RPS6KA2: variants seen among roughly 807,000 people sequenced by gnomAD.
RPS6KA2 encodes the protein ribosomal protein S6 kinase alpha-2.
In RPS6KA2, 42 loss-of-function variants were observed where a neutral mutation model predicts 91.8. The observed-to-expected ratio is 0.46, with a 90% CI of 0.36 to 0.59. RPS6KA2 has a LOEUF of 0.59. Ranked by LOEUF, RPS6KA2 falls within the 20% of genes least tolerant of loss-of-function variation. RPS6KA2 has a pLI of 0.00. For synonymous variants in RPS6KA2, 414 were observed against 393.6 expected, an observed-to-expected ratio of 1.05 and a Z score of -0.61; for missense variants, 798 against 978.5, an observed-to-expected ratio of 0.82 and a Z score of 2.46.
intron 2 of RPS6KA2, among the ~76,000 whole-genome samples, chr6:166,700,938 G>A (rs1305384974): frequency 6.6e-6 from 1 of 152,146 alleles, no homozygotes; most frequent in African/African-American, 2.4e-5. Flanking sequence ...CATTCTCACA[G>A]AGACAGGAGT....
At chr6:166,501,624 A>G (rs926739238) in intron 6 of RPS6KA2, among the ~76,000 whole-genome samples, 1 of 152,190 alleles carries the variant, frequency 6.6e-6, no homozygotes, top group African/African-American at 2.4e-5. Context: ...CCCTGCATAG[A>G]GAATGGAGGC....
At chr6:166,793,930 G>A (rs2128615204) in intron 2 of RPS6KA2, among the ~76,000 whole-genome samples, 1 of 147,898 alleles carries the variant, frequency 6.8e-6, no homozygotes, top group Non-Finnish European at 1.5e-5. Context: ...ATACCATTCA[G>A]GACATAGGCA....
At chr6:166,430,425 C>G (rs201451626) in intron 16 of RPS6KA2, 28 bp downstream of exon 16, 8 of 1,591,952 alleles carry the variant, frequency 5.0e-6, no homozygotes, top group Non-Finnish European at 1.7e-6. Flanking sequence ...CCCTCCTCCC[C>G]GAAGGCTGCC....
intron 2 of RPS6KA2, among the ~76,000 whole-genome samples, chr6:166,690,463 C>T (rs559082371): frequency 7.9e-4 from 120 of 152,332 alleles, no homozygotes; most frequent in Non-Finnish European, 2.4e-4. Context: ...GAGCCACCTG[C>T]GTGGCTAGAA....
At chr6:166,862,328 C>A in exon 1 of RPS6KA2, 1 of 1,488,962 alleles carries the variant, frequency 6.7e-7, no homozygotes, top group East Asian at 2.4e-5. Context: ...ATCCGGCTCC[C>A]AGAGGAGGTC....
At chr6:166,443,713 C>T (rs1218139258) in intron 14 of RPS6KA2, among the ~76,000 whole-genome samples, 1 of 152,244 alleles carries the variant, frequency 6.6e-6, no homozygotes, top group East Asian at 1.9e-4. Flanking sequence ...GCAAATGGCG[C>T]CACGTATGGT....
intron 1 of RPS6KA2, among the ~76,000 whole-genome samples, chr6:166,588,405 C>T (rs544021483): frequency 1.3e-5 from 2 of 152,228 alleles, no homozygotes; most frequent in African/African-American, 4.8e-5. Flanking sequence ...CTGGATTCCA[C>T]AGGCCCTAGC....
At chr6:166,752,634 C>T (rs964681117) in intron 2 of RPS6KA2, among the ~76,000 whole-genome samples, 4 of 152,148 alleles carry the variant, frequency 2.6e-5, no homozygotes, top group African/African-American at 4.8e-5. Flanking sequence ...ATCATTTACT[C>T]AAACCCTTGT....
chr6:166,752,276 T>C (rs1791310367), intron 2 of RPS6KA2, among the ~76,000 whole-genome samples: 1 of 152,206 alleles, frequency 6.6e-6, no homozygotes, highest in African/African-American at 2.4e-5. Flanking sequence ...GTGAACAGCC[T>C]CTGAAACGTA....
At chr6:166,510,946 T>C (rs1423763288) in intron 3 of RPS6KA2, among the ~76,000 whole-genome samples, 1 of 152,176 alleles carries the variant, frequency 6.6e-6, no homozygotes, top group Non-Finnish European at 1.5e-5. Flanking sequence ...TTTTCGTCTG[T>C]AGAATGTTCC....
At chr6:166,713,575 G>T (rs988592789) in intron 2 of RPS6KA2, among the ~76,000 whole-genome samples, 9 of 152,244 alleles carry the variant, frequency 5.9e-5, no homozygotes, top group Middle Eastern at 3.4e-3. Context: ...CGCATGATAT[G>T]GAGAGAAAAT....
At position 166,482,966 on chromosome 6, in the gene RPS6KA2, G is replaced by T. The variant is rs576587282; in HGVS notation, c.907+5867C>A. ...AAAAGGGACTGTTCTAAACAAAGGT[G>T]GCCGTGCAGCCTTGACCTTCAACAG... On this transcript the variant is annotated intron_variant, in intron 10 of 20. Transcript: ENST00000265678. Among the ~76,000 whole-genome samples the T allele has an allele frequency of 1.9e-3, 289 of 152,332 alleles. 1 individual carries two copies. The highest frequency in any genetic ancestry group is 6.9e-3 in the African/African-American group (285 of 41,570).
chr6:166,475,721 CTT>C, intron 10 of RPS6KA2: 1 of 522,298 alleles, frequency 1.9e-6, no homozygotes, highest in South Asian at 1.4e-5. Context: ...GTCTAGAACT[CTT>C]TTGAACGAAG....
chr6:166,571,979 T>C (rs1467868809), intron 1 of RPS6KA2, among the ~76,000 whole-genome samples: 2 of 152,224 alleles, frequency 1.3e-5, no homozygotes, highest in Non-Finnish European at 2.9e-5. Context: ...ACATCTTCTA[T>C]ATTGTCTTAA....
intron 12 of RPS6KA2, among the ~76,000 whole-genome samples, chr6:166,456,996 G>T (rs1293300533): frequency 6.6e-6 from 1 of 152,240 alleles, no homozygotes; most frequent in Non-Finnish European, 1.5e-5. Flanking sequence ...CTAGGTTGGG[G>T]TTTAAATTCT....
At chr6:166,777,024 T>C (rs540015243) in intron 2 of RPS6KA2, among the ~76,000 whole-genome samples, 95 of 152,266 alleles carry the variant, frequency 6.2e-4, no homozygotes, top group Non-Finnish European at 9.4e-4. Flanking sequence ...CATTTTTTCA[T>C]TGGGCTGGTG....
intron 10 of RPS6KA2, among the ~76,000 whole-genome samples, chr6:166,481,988 A>G (rs1266591042): frequency 6.6e-6 from 1 of 151,294 alleles, no homozygotes; most frequent in Non-Finnish European, 1.5e-5. Context: ...GACTGCACGT[A>G]TACCTCTCTG....
At chr6:166,675,434 C>T (rs1170722991) in intron 2 of RPS6KA2, among the ~76,000 whole-genome samples, 2 of 152,192 alleles carry the variant, frequency 1.3e-5, no homozygotes, top group African/African-American at 4.8e-5. Context: ...TAAAGATGTT[C>T]GTGGCACAGT....
chr6:166,631,914 C>T (rs996987882), upstream of RPS6KA2, among the ~76,000 whole-genome samples: 1 of 152,114 alleles, frequency 6.6e-6, no homozygotes, highest in African/African-American at 2.4e-5. Context: ...GTAAATGCCT[C>T]GAAAAGACCT....
Sources: allele counts gnomAD v4.1 joint callset (sites outside exome capture counted in the v4.1 genomes callset), GRCh38; gene constraint gnomAD v4.1.1; transcripts MANE v1.5; gene names NCBI Gene and HGNC (gene_info 2026-07-23, HGNC 2026-07-21).